Variants in RBFOX1 observed in about 807,000 individuals in gnomAD.
The protein encoded by RBFOX1 is RNA binding fox-1 homolog 1, also known as RNA binding protein fox-1 homolog 1.
Under a neutral mutation model 57.7 loss-of-function variants are expected in RBFOX1, and 8 were observed. That is an observed-to-expected ratio of 0.14 (90% CI 0.08 to 0.25). The LOEUF is 0.25. RBFOX1 is among the 10% of genes least tolerant of loss of function. The pLI is 1.00. For missense variants in RBFOX1, 611 were observed against 548.5 expected (o/e 1.11, Z -1.14); for synonymous variants, 326 against 222.4 (o/e 1.47, Z -4.15).
chr16:7,038,329 C>T (rs1327188119), intron 3 of RBFOX1, among the ~76,000 whole-genome samples: 1 of 152,106 alleles, frequency 6.6e-6, no homozygotes, highest in African/African-American at 2.4e-5. Context: ...AATTATAACC[C>T]TTGATCATGA....
chr16:7,180,646 G>T (rs1237024725), intron 4 of RBFOX1, among the ~76,000 whole-genome samples: 5 of 150,484 alleles, frequency 3.3e-5, no homozygotes, highest in Non-Finnish European at 7.4e-5. Flanking sequence ...GATTGCAAAA[G>T]ATTTACTTGG....
At chr16:5,357,574 C>G (rs1011582867) in intron 1 of RBFOX1, among the ~76,000 whole-genome samples, 10 of 152,212 alleles carry the variant, frequency 6.6e-5, no homozygotes, top group African/African-American at 2.4e-4. Flanking sequence ...AATGTAGATT[C>G]AGATTCAGCA....
chr16:6,532,853 T>G (rs180892462), intron 2 of RBFOX1, among the ~76,000 whole-genome samples: 7 of 152,322 alleles, frequency 4.6e-5, no homozygotes, highest in African/African-American at 1.2e-4. Context: ...TCTCAGACTT[T>G]CCATGTGAAT....
Position 7,005,976 on chromosome 16 carries a change from G to A in RBFOX1, c.-15-46081G>A, listed in dbSNP as rs946293668. Among the ~76,000 whole-genome samples, 6 of 152,198 alleles carry A rather than the reference G, an allele frequency of 3.9e-5. No individual in the cohort carries two copies. The South Asian group carries it at 8.3e-4, about 21-fold the overall frequency. On this transcript the variant is annotated intron_variant, in intron 3 of 15. Coordinates refer to ENST00000550418, the MANE Select transcript of RBFOX1 (RefSeq NM_018723.4). ...TTCTTTAACCCCTACTCAGGATCAC[G>A]TAACAGAAAGGCAAATCCTCTAAGA...
intron 2 of RBFOX1, among the ~76,000 whole-genome samples, chr16:6,549,932 G>T (rs2096960440): frequency 6.6e-6 from 1 of 152,158 alleles, no homozygotes; most frequent in African/African-American, 2.4e-5. Context: ...CTGCTTACCA[G>T]TTCACAGATG....
chr16:7,639,131 C>A (rs1443149655), intron 11 of RBFOX1, among the ~76,000 whole-genome samples: 1 of 152,146 alleles, frequency 6.6e-6, no homozygotes, highest in African/African-American at 2.4e-5. Context: ...TTTGCTTGCA[C>A]AATGATCAAA....
intron 4 of RBFOX1, among the ~76,000 whole-genome samples, chr16:7,086,986 G>A (rs112805782): frequency 1.1e-4 from 17 of 152,262 alleles, no homozygotes; most frequent in African/African-American, 3.6e-4. Context: ...ATGGGCAGGC[G>A]GCAGCTGCAG....
intron 2 of RBFOX1, among the ~76,000 whole-genome samples, chr16:5,534,607 C>T (rs1567202801): frequency 6.6e-6 from 1 of 152,182 alleles, no homozygotes; most frequent in Non-Finnish European, 1.5e-5. Flanking sequence ...GCCAGTTTAT[C>T]CCACCTTCTT....
At chr16:7,307,137 C>T (rs894404126) in intron 4 of RBFOX1, among the ~76,000 whole-genome samples, 1 of 152,122 alleles carries the variant, frequency 6.6e-6, no homozygotes, top group Admixed American at 6.5e-5. Context: ...AGTAATCAAC[C>T]CACATTGATC....
chr16:7,711,822 G>C lies in RBFOX1; in HGVS notation c.*1077G>C, dbSNP rs1257372185. ...TCGGATTTATAGAAGCATTTTACAA[G>C]TATTGCAATCATTGAGTAGAGATAA... On this transcript the variant is annotated 3_prime_UTR_variant, in exon 16 of 16. Transcript: ENST00000550418. 1 of 152,648 alleles carries C rather than the reference G, an allele frequency of 6.6e-6. No individual in the cohort carries two copies. The highest frequency in any genetic ancestry group is 1.9e-4 in the East Asian group (1 of 5,168). The allele number at this position is 152,648 out of a possible 1,614,324, so 9.5% of individuals were successfully genotyped here.
At chr16:6,600,036 G>T (rs930029403) in intron 2 of RBFOX1, among the ~76,000 whole-genome samples, 1 of 152,186 alleles carries the variant, frequency 6.6e-6, no homozygotes, top group Non-Finnish European at 1.5e-5. Flanking sequence ...AAGGGCATCT[G>T]GGTGGCACTG....
At chr16:6,698,641 C>T (rs913366295) in intron 3 of RBFOX1, among the ~76,000 whole-genome samples, 15 of 152,154 alleles carry the variant, frequency 9.9e-5, no homozygotes, top group Admixed American at 2.6e-4. Context: ...CCGAGGCAGA[C>T]GTGGTGGGAC....
At chr16:7,350,818 T>C (rs969570646) in intron 4 of RBFOX1, among the ~76,000 whole-genome samples, 14 of 152,110 alleles carry the variant, frequency 9.2e-5, no homozygotes, top group East Asian at 1.9e-4. Context: ...CCAGGGAGTA[T>C]AGAAATGTAT....
At chr16:6,300,176 C>T (rs764740307) in intron 1 of RBFOX1, among the ~76,000 whole-genome samples, 13 of 152,082 alleles carry the variant, frequency 8.5e-5, no homozygotes, top group Non-Finnish European at 1.8e-4. Flanking sequence ...ATGGTGTTTA[C>T]CAGAGGCTGG....
rs180965636 is a variant in RBFOX1, at chr16:6,023,869, A to C, written c.-127+3877A>C. ...CCCAATGTCTACCTCCATTATTTAA[A>C]ATACTGCCTCGAGGCACAGGTATAA... On this transcript the variant is annotated intron_variant, in intron 1 of 15. Coordinates refer to ENST00000550418, the MANE Select transcript of RBFOX1 (RefSeq NM_018723.4). Among the ~76,000 whole-genome samples, 508 of 152,362 alleles carry C rather than the reference A, an allele frequency of 3.3e-3. 3 individuals are homozygous for C. The highest frequency in any genetic ancestry group is 0.012 in the African/African-American group (500 of 41,584).
intron 4 of RBFOX1, among the ~76,000 whole-genome samples, chr16:7,110,364 A>C (rs1199315594): frequency 2.7e-5 from 4 of 150,596 alleles, no homozygotes; most frequent in Non-Finnish European, 4.4e-5. Context: ...CTGACTCTTA[A>C]AAAAAAGATC....
chr16:5,542,462 T>G (rs977205530), intron 2 of RBFOX1, among the ~76,000 whole-genome samples: 51 of 151,682 alleles, frequency 3.4e-4, no homozygotes, highest in Non-Finnish European at 4.1e-4. Flanking sequence ...TTTCACCATA[T>G]TGACTAGGCT....
intron 1 of RBFOX1, among the ~76,000 whole-genome samples, chr16:5,367,243 T>C (rs1282548438): frequency 6.6e-6 from 1 of 152,210 alleles, no homozygotes. Flanking sequence ...GGAAGATAGT[T>C]TCTGCACACA....
chr16:7,380,689 G>T (rs537582848), intron 4 of RBFOX1, among the ~76,000 whole-genome samples: 1 of 152,212 alleles, frequency 6.6e-6, no homozygotes, highest in African/African-American at 2.4e-5. Context: ...CGATAACCCA[G>T]TCGTTTCATA....
Sources: allele counts gnomAD v4.1 joint callset (sites outside exome capture counted in the v4.1 genomes callset), GRCh38; gene constraint gnomAD v4.1.1; transcripts MANE v1.5; gene names NCBI Gene and HGNC (gene_info 2026-07-23, HGNC 2026-07-21).